The following NAV2 variants were observed in gnomAD, a reference collection of about 807,000 sequenced individuals.
NAV2 encodes the protein helicase, APC down-regulated 1.
Under a neutral mutation model 223.2 loss-of-function variants are expected in NAV2, and 54 were observed. That is an observed-to-expected ratio of 0.24 (90% CI 0.19 to 0.30). The LOEUF (loss-of-function observed/expected upper bound fraction) is 0.30. Among genes scored for constraint, NAV2 ranks in the 10% least tolerant of loss-of-function variants. The probability of loss-of-function intolerance (pLI) is 1.00; values close to 1 mark genes in which losing one functional copy is unlikely to be tolerated. For missense variants in NAV2, 2,806 were observed against 3,147.5 expected (o/e 0.89, Z 2.60); for synonymous variants, 1,279 against 1,239.3 (o/e 1.03, Z -0.67).
chr11:19,465,671 G>T (rs1460602507), intron 1 of NAV2, among the ~76,000 whole-genome samples: 2 of 152,136 alleles, frequency 1.3e-5, no homozygotes, highest in African/African-American at 4.8e-5. Flanking sequence ...ATAGCATAAG[G>T]CATAGTCATT....
chr11:19,566,768 A>G (rs1442799667), intron 1 of NAV2, among the ~76,000 whole-genome samples: 1 of 152,142 alleles, frequency 6.6e-6, no homozygotes, highest in Non-Finnish European at 1.5e-5. Flanking sequence ...AGATACTTAC[A>G]TATGCTCTGT....
Position 19,909,255 on chromosome 11 carries a change from T to C in NAV2, c.931+16661T>C, listed in dbSNP as rs376772297. ...ATATTTAACTTTAATCTAGTTCATA[T>C]GGGATGGGACTGTATGTACCCCCTC... On this transcript the variant is annotated intron_variant, in intron 6 of 37. Transcript: ENST00000349880. Among the ~76,000 whole-genome samples, 19 of 152,294 alleles carry C rather than the reference T, an allele frequency of 1.2e-4. No individual in the cohort carries two copies. The East Asian group carries it at 3.7e-3, about 29-fold the overall frequency.
intron 1 of NAV2, among the ~76,000 whole-genome samples, chr11:19,601,886 A>G (rs2046358985): frequency 6.6e-6 from 1 of 152,224 alleles, no homozygotes; most frequent in South Asian, 2.1e-4. Context: ...TAGGAACTAG[A>G]AAATCATCAG....
intron 1 of NAV2, among the ~76,000 whole-genome samples, chr11:19,456,418 C>G (rs1851960873): frequency 6.6e-6 from 1 of 152,158 alleles, no homozygotes; most frequent in African/African-American, 2.4e-5. Flanking sequence ...ATTATTATCC[C>G]TACTTCACAG....
intron 1 of NAV2, among the ~76,000 whole-genome samples, chr11:19,598,353 G>A (rs1238441432): frequency 3.9e-5 from 6 of 152,202 alleles, no homozygotes; most frequent in Non-Finnish European, 7.3e-5. Context: ...CAGGTAAGAC[G>A]GTCACTGTGC....
chr11:19,879,181 C>G (rs554774835), intron 4 of NAV2, among the ~76,000 whole-genome samples: 64 of 152,316 alleles, frequency 4.2e-4, no homozygotes, highest in Admixed American at 7.2e-4. Context: ...TCCTCTGCAA[C>G]TCTTTATGCA....
intron 1 of NAV2, among the ~76,000 whole-genome samples, chr11:19,460,126 T>C (rs1307137168): frequency 6.6e-6 from 1 of 152,242 alleles, no homozygotes; most frequent in Non-Finnish European, 1.5e-5. Flanking sequence ...AAAATGTCTT[T>C]AGAGCACTCA....
intron 1 of NAV2, among the ~76,000 whole-genome samples, chr11:19,411,383 C>G (rs1015840525): frequency 6.6e-6 from 1 of 152,206 alleles, no homozygotes; most frequent in African/African-American, 2.4e-5. Context: ...CCTTCCCCTT[C>G]TCACATGCGT....
intron 11 of NAV2, among the ~76,000 whole-genome samples, chr11:20,019,501 A>T (rs992459235): frequency 1.3e-5 from 2 of 152,152 alleles, no homozygotes; most frequent in Non-Finnish European, 2.9e-5. Flanking sequence ...TACAGACTTT[A>T]GAGTTGTCTG....
intron 1 of NAV2, among the ~76,000 whole-genome samples, chr11:19,428,142 A>T (rs139801648): frequency 2.8e-4 from 43 of 152,206 alleles, no homozygotes; most frequent in African/African-American, 1.0e-3. Flanking sequence ...AATCTTTGAG[A>T]TCTTTCATGT....
Position 19,946,491 on chromosome 11 carries a change from G to T in NAV2, c.2237G>T (p.Gly746Val). ...GAGGAAACCATGTCCAGTTTAAGGG[G>T]AACTCAGGTTACACACAGGTATCTG... ...NLEETMSSLR[G>V]TQVTHSTLET... Residue 746 changes from glycine to valine, a missense_variant, in exon 9 of 38, where the codon GGA (glycine) becomes GTA (valine). Physicochemically the swap from Gly to Val is moderately radical, Grantham distance 109 (BLOSUM62 -3). Transcript: ENST00000349880. 1 of 1,613,354 alleles carries T rather than the reference G, an allele frequency of 6.2e-7. No individual in the cohort carries two copies. The highest frequency in any genetic ancestry group is 8.5e-7 in the Non-Finnish European group (1 of 1,179,712).
Position 20,118,271 on chromosome 11 carries a change from G to A in NAV2, c.*13G>A, listed in dbSNP as rs1169519526. 8 of 1,613,146 alleles carry A rather than the reference G, an allele frequency of 5.0e-6. No homozygotes were observed. The highest frequency in any genetic ancestry group is 5.9e-6 in the Non-Finnish European group (7 of 1,179,822). On this transcript the variant is annotated 3_prime_UTR_variant, in exon 38 of 38. Coordinates refer to ENST00000349880, the MANE Select transcript of NAV2 (RefSeq NM_145117.5). ...GTCCACTCTGTGACAGGGGCCCGGA[G>A]CCCAGCGCCCTCCTCTTCTCCTCAC...
upstream of NAV2, among the ~76,000 whole-genome samples, chr11:19,350,085 C>CTGATGATGATGATGATGATGATGA (rs3077390): frequency 8.7e-5 from 13 of 149,624 alleles, no homozygotes; most frequent in Non-Finnish European, 4.4e-5. Flanking sequence ...CCTTATTCCT[C>CTGATGATGATGATGATGATGATGA]TGATGATGAT....
intron 11 of NAV2, among the ~76,000 whole-genome samples, chr11:19,993,094 AG>A (rs1165806603): frequency 6.6e-6 from 1 of 152,184 alleles, no homozygotes. Context: ...CCCAATCCCA[AG>A]TCAGAATTTG....
At chr11:19,765,382 C>T (rs950113325) in intron 1 of NAV2, among the ~76,000 whole-genome samples, 1 of 148,294 alleles carries the variant, frequency 6.7e-6, no homozygotes, top group Non-Finnish European at 1.5e-5. Context: ...CCCTTCTTTC[C>T]TTCCTTCCTT....
intron 1 of NAV2, among the ~76,000 whole-genome samples, chr11:19,396,104 C>T (rs577784582): frequency 2.0e-5 from 3 of 152,228 alleles, no homozygotes. Context: ...TCAGCATGTC[C>T]CAATAAATCC....
At chr11:19,829,397 CTG>C (rs1235772071) in intron 1 of NAV2, among the ~76,000 whole-genome samples, 1 of 152,162 alleles carries the variant, frequency 6.6e-6, no homozygotes, top group Non-Finnish European at 1.5e-5. Context: ...TGAAATTTGG[CTG>C]TGAGAAGGGG....
chr11:20,032,686 A>G (rs927223448), intron 11 of NAV2, among the ~76,000 whole-genome samples: 1 of 152,194 alleles, frequency 6.6e-6, no homozygotes, highest in African/African-American at 2.4e-5. Flanking sequence ...TGCTTTCCCA[A>G]TCAGATCCTC....
chr11:19,450,037 C>G (rs924299476), intron 1 of NAV2, among the ~76,000 whole-genome samples: 2 of 152,156 alleles, frequency 1.3e-5, no homozygotes, highest in African/African-American at 4.8e-5. Flanking sequence ...ACCACTGGGA[C>G]CTCATTTTAA....
Sources: allele counts gnomAD v4.1 joint callset (sites outside exome capture counted in the v4.1 genomes callset), GRCh38; gene constraint gnomAD v4.1.1; transcripts MANE v1.5; gene names NCBI Gene and HGNC (gene_info 2026-07-23, HGNC 2026-07-21).